The following CWC15 variants were observed in gnomAD, a reference collection of about 807,000 sequenced individuals.
CWC15 encodes CWC15 spliceosome associated protein.
Under a neutral mutation model 28.4 loss-of-function variants are expected in CWC15, and 12 were observed. That is an observed-to-expected ratio of 0.42 (90% CI 0.27 to 0.69). CWC15 has a LOEUF of 0.69. Ranked by LOEUF, CWC15 falls within the 30% of genes least tolerant of loss-of-function variation. The pLI is 0.23. For missense variants in CWC15, 192 were observed against 271.5 expected, an observed-to-expected ratio of 0.71 and a Z score of 2.06; for synonymous variants, 92 against 88.4, an observed-to-expected ratio of 1.04 and a Z score of -0.23.
intron 6 of CWC15, among the ~76,000 whole-genome samples, chr11:94,965,214 A>G (rs1227822689): frequency 1.3e-5 from 2 of 152,244 alleles, no homozygotes; most frequent in Non-Finnish European, 2.9e-5. Flanking sequence ...GTACTGCATC[A>G]CTCCAGATGG....
chr11:94,970,264 A>T (rs7930127), intron 4 of CWC15, 168 bp from the exon 5 acceptor site: 4 of 413,040 alleles, frequency 9.7e-6, no homozygotes, highest in African/African-American at 2.1e-5. Flanking sequence ...AGTGTGCTAA[A>T]TTCTCAGAAG....
At chr11:94,971,351 A>C in intron 3 of CWC15, 24 bp downstream of exon 3, 1 of 1,537,216 alleles carries the variant, frequency 6.5e-7, no homozygotes, top group South Asian at 1.1e-5. Flanking sequence ...TTTATGAGAC[A>C]AATGTCTTGG....
At chr11:94,971,173 A>C (rs1347700020) in intron 3 of CWC15, 108 bp from the exon 4 acceptor site, 1 of 1,096,112 alleles carries the variant, frequency 9.1e-7, no homozygotes, top group Non-Finnish European at 1.4e-6. Context: ...CATTATCCAC[A>C]GTGAACTCAC....
intron 3 of CWC15, 126 bp from the exon 4 acceptor site, chr11:94,971,191 G>C (rs1857714993): frequency 9.8e-7 from 1 of 1,022,642 alleles, no homozygotes; most frequent in Non-Finnish European, 1.5e-6. Flanking sequence ...CACATCCACA[G>C]TGCCTGGGCA....
chr11:94,965,075 C>G (rs1590956761), intron 6 of CWC15, among the ~76,000 whole-genome samples: 1 of 152,190 alleles, frequency 6.6e-6, no homozygotes, highest in South Asian at 2.1e-4. Context: ...TACTACATCA[C>G]TCCAAAGGGG....
intron 6 of CWC15, among the ~76,000 whole-genome samples, chr11:94,964,068 G>C (rs1555094838): frequency 6.6e-6 from 1 of 151,900 alleles, no homozygotes; most frequent in Admixed American, 6.6e-5. Context: ...CCAAGGAGAA[G>C]TACCAGCTGA....
At chr11:94,971,309 G>A (rs1474202451) in intron 3 of CWC15, 66 bp downstream of exon 3, 1 of 1,297,428 alleles carries the variant, frequency 7.7e-7, no homozygotes, top group Non-Finnish European at 1.1e-6. Context: ...TTTTCCAATT[G>A]CTACATAAAG....
chr11:94,969,930 A>C, intron 5 of CWC15, 59 bp downstream of exon 5: 1 of 1,115,204 alleles, frequency 9.0e-7, no homozygotes, highest in Non-Finnish European at 1.2e-6. Flanking sequence ...TATTCAAAAA[A>C]ATTTCTACCT....
In CWC15 at chr11:94,963,290, C is replaced by T. The variant is rs1857592922; in HGVS notation, c.*95G>A. ...GTTTAAAACTGGGGAAGCCCACACACAATTTAGACAGGGGAAAAGAAAAAA... is the reference window on the plus strand; with the variant it reads ...GTTTAAAACTGGGGAAGCCCACACATAATTTAGACAGGGGAAAAGAAAAAA... On this transcript the variant is annotated 3_prime_UTR_variant, in exon 7 of 7. Transcript: ENST00000279839. 5 of 1,017,032 alleles carry T rather than the reference C, an allele frequency of 4.9e-6. No homozygotes were observed. The highest frequency in any genetic ancestry group is 6.7e-6 in the Non-Finnish European group (5 of 742,338). 63.0% of individuals were successfully genotyped at this position (1,017,032 alleles called of 1,614,324 possible). A position where few individuals can be genotyped will look rare whatever the true frequency, so the allele number is the denominator to read the frequency against.
intron 6 of CWC15, among the ~76,000 whole-genome samples, chr11:94,965,998 A>G (rs781963564): frequency 3.0e-4 from 45 of 152,206 alleles, no homozygotes; most frequent in Non-Finnish European, 6.5e-4. Context: ...TAAGGGCCTC[A>G]GTTTATTACT....
chr11:94,973,436 C>T (rs1555096565), intron 1 of CWC15, 62 bp downstream of exon 1: 1 of 152,884 alleles, frequency 6.5e-6, no homozygotes, highest in African/African-American at 2.4e-5. Context: ...ACTCCGACCC[C>T]AACTGCCCTT....
chr11:94,963,157 CT>C lies in CWC15; in HGVS notation c.*227del. 6.3e-6 allele frequency: 2 copies of C among 319,202 alleles called. No individual in the cohort carries two copies. Among genetic ancestry groups the C allele is most frequent in the East Asian group, 5.2e-5 (1 of 19,412 alleles). 19.8% of individuals were successfully genotyped at this position (319,202 alleles called of 1,614,324 possible). On this transcript the variant is annotated 3_prime_UTR_variant, in exon 7 of 7. Coordinates refer to ENST00000279839, the MANE Select transcript of CWC15 (RefSeq NM_016403.4). ...AAAATATTTATTACAGGCAGATTTG[CT>C]TTTCCCAGGAAAACATATCACTGGA...
intron 1 of CWC15, chr11:94,973,266 G>C (rs1434955744): frequency 6.8e-6 from 1 of 147,930 alleles, no homozygotes; most frequent in East Asian, 1.9e-4. Context: ...GGTAGTGAAG[G>C]GAGGACCTGG....
chr11:94,970,327 G>C (rs1303575937), intron 4 of CWC15: 2 of 366,094 alleles, frequency 5.5e-6, no homozygotes, highest in Non-Finnish European at 9.7e-6. Context: ...TAGGTTTCCT[G>C]TTTTAACTAT....
chr11:94,969,007 T>C (rs1052684918), intron 5 of CWC15, among the ~76,000 whole-genome samples: 2 of 152,196 alleles, frequency 1.3e-5, no homozygotes, highest in Non-Finnish European at 2.9e-5. Flanking sequence ...ATCAACTACC[T>C]CTTCTCTCTG....
chr11:94,973,545 A>G lies in CWC15; in HGVS notation c.-56T>C, dbSNP rs932852758. 6.6e-6 allele frequency: 1 copy of G among 152,372 alleles called. No individual in the cohort carries two copies. The highest frequency in any genetic ancestry group is 1.5e-5 in the Non-Finnish European group (1 of 68,132). 9.4% of individuals were successfully genotyped at this position (152,372 alleles called of 1,614,324 possible). On this transcript the variant is annotated 5_prime_UTR_variant, in exon 1 of 7. An upstream start codon of the reference 5' UTR is lost. Transcript: ENST00000279839. ...AGGCTCCGAAGATCATACAGACGCC[A>G]TTACCACTCTTGGCTCCCAGAAACC... is the stretch of plus-strand genomic sequence containing the variant.
At chr11:94,968,842 C>A (rs1249293307) in intron 5 of CWC15, among the ~76,000 whole-genome samples, 1 of 152,148 alleles carries the variant, frequency 6.6e-6, no homozygotes, top group Non-Finnish European at 1.5e-5. Flanking sequence ...TATTTTCTTA[C>A]TTTCTTTTTT....
chr11:94,965,975 C>T (rs977163445), intron 6 of CWC15, among the ~76,000 whole-genome samples: 1 of 152,150 alleles, frequency 6.6e-6, no homozygotes, highest in Admixed American at 6.5e-5. Flanking sequence ...CCTTGATATG[C>T]ACACCTAAAA....
intron 6 of CWC15, 107 bp from the exon 7 acceptor site, chr11:94,963,621 T>A (rs1857597922): frequency 1.2e-6 from 1 of 845,932 alleles, no homozygotes; most frequent in East Asian, 3.0e-5. Context: ...ATGCTCAACA[T>A]GTGTATCATC....
Sources: allele counts gnomAD v4.1 joint callset (sites outside exome capture counted in the v4.1 genomes callset), GRCh38; gene constraint gnomAD v4.1.1; transcripts MANE v1.5; gene names NCBI Gene and HGNC (gene_info 2026-07-23, HGNC 2026-07-21).